Variants in MACROD2 observed in about 807,000 individuals in gnomAD.
MACROD2 encodes the protein mono-ADP ribosylhydrolase 2.
MACROD2 carries 36 observed loss-of-function variants against 70.4 expected under a neutral mutation model. The ratio of observed to expected loss-of-function variants is 0.51; its 90% CI spans 0.39 to 0.68. The LOEUF (loss-of-function observed/expected upper bound fraction) is 0.68, where lower values mean the gene tolerates loss of function less well. Ranked by LOEUF, MACROD2 falls within the 30% of genes least tolerant of loss-of-function variation. The pLI, the probability that MACROD2 is intolerant of heterozygous loss-of-function variation, is 0.00. For synonymous variants in MACROD2, 172 were observed against 178.8 expected, an observed-to-expected ratio of 0.96 and a Z score of 0.30; for missense variants, 496 against 538.4, an observed-to-expected ratio of 0.92 and a Z score of 0.78.
chr20:15,438,695 T>C (rs761280110), intron 7 of MACROD2, among the ~76,000 whole-genome samples: 4 of 152,186 alleles, frequency 2.6e-5, no homozygotes, highest in Non-Finnish European at 5.9e-5. Context: ...GATTGCTGTT[T>C]ATATATTCTG....
chr20:14,990,478 G>A (rs1369145439), intron 5 of MACROD2, among the ~76,000 whole-genome samples: 1 of 150,352 alleles, frequency 6.7e-6, no homozygotes, highest in Non-Finnish European at 1.5e-5. Context: ...AGGACCAAGA[G>A]AACTGAGAGC....
chr20:15,994,044 T>C (rs2066595107), intron 15 of MACROD2, among the ~76,000 whole-genome samples: 1 of 152,192 alleles, frequency 6.6e-6, no homozygotes, highest in Non-Finnish European at 1.5e-5. Context: ...TTCTTGACAG[T>C]ATACTGAAGG....
At chr20:15,126,369 T>G (rs2076067205) in intron 5 of MACROD2, among the ~76,000 whole-genome samples, 1 of 151,996 alleles carries the variant, frequency 6.6e-6, no homozygotes, top group Non-Finnish European at 1.5e-5. Context: ...TTTGCTTGTT[T>G]GATTATAGCC....
intron 7 of MACROD2, among the ~76,000 whole-genome samples, chr20:15,453,016 G>A (rs2046663915): frequency 6.6e-6 from 1 of 152,148 alleles, no homozygotes; most frequent in Non-Finnish European, 1.5e-5. Flanking sequence ...TTAAAGCAAT[G>A]TATTTCCCAG....
chr20:14,257,829 C>T (rs1045444115), intron 3 of MACROD2, among the ~76,000 whole-genome samples: 16 of 152,090 alleles, frequency 1.1e-4, no homozygotes, highest in Admixed American at 3.9e-4. Context: ...TTTTGGTGCA[C>T]GCATCATCTG....
chr20:15,875,643 C>T (rs1055033339), intron 9 of MACROD2, among the ~76,000 whole-genome samples: 11 of 151,938 alleles, frequency 7.2e-5, no homozygotes, highest in African/African-American at 2.7e-4. Flanking sequence ...AGACAGAAAG[C>T]AATCTGTCCC....
At chr20:14,786,206 G>GAT (rs1415848984) in intron 5 of MACROD2, among the ~76,000 whole-genome samples, 1 of 144,336 alleles carries the variant, frequency 6.9e-6, no homozygotes, top group East Asian at 2.0e-4. Context: ...GAGAAAGATA[G>GAT]AGAGAGAGAG....
intron 8 of MACROD2, among the ~76,000 whole-genome samples, chr20:15,629,083 A>G (rs183956084): frequency 1.3e-5 from 2 of 152,324 alleles, no homozygotes; most frequent in African/African-American, 2.4e-5. Context: ...TCTTGTATTC[A>G]TACTCTTGTA....
At chr20:14,349,977 G>C (rs2083106630) in intron 3 of MACROD2, among the ~76,000 whole-genome samples, 1 of 151,630 alleles carries the variant, frequency 6.6e-6, no homozygotes, top group African/African-American at 2.4e-5. Flanking sequence ...TCAAACTCCT[G>C]ACCTCAGGCG....
At chr20:15,193,326 GTAGTA>G (rs1366120594) in intron 5 of MACROD2, among the ~76,000 whole-genome samples, 1 of 152,066 alleles carries the variant, frequency 6.6e-6, no homozygotes, top group Admixed American at 6.6e-5. Flanking sequence ...TGCTTGAACT[GTAGTA>G]TAGTATCAAG....
intron 8 of MACROD2, among the ~76,000 whole-genome samples, chr20:15,862,319 G>C (rs2064435053): frequency 6.6e-6 from 1 of 152,126 alleles, no homozygotes; most frequent in South Asian, 2.1e-4. Flanking sequence ...AAATATATTT[G>C]TCTAGCAAGA....
intron 8 of MACROD2, among the ~76,000 whole-genome samples, chr20:15,786,767 A>G (rs1352491647): frequency 6.6e-6 from 1 of 152,168 alleles, no homozygotes; most frequent in Non-Finnish European, 1.5e-5. Context: ...GTCACTCAAT[A>G]CATATATTTA....
chr20:15,759,470 A>G (rs1448455310), intron 8 of MACROD2, among the ~76,000 whole-genome samples: 1 of 152,202 alleles, frequency 6.6e-6, no homozygotes, highest in East Asian at 1.9e-4. Context: ...AATAATTTAC[A>G]TGTTTAATTG....
chr20:15,384,701 T>C (rs1011935033), intron 6 of MACROD2, among the ~76,000 whole-genome samples: 1 of 152,164 alleles, frequency 6.6e-6, no homozygotes, highest in African/African-American at 2.4e-5. Context: ...ATATATACTA[T>C]CTTTCAAATA....
At chr20:14,869,939 A>C (rs1349349184) in intron 5 of MACROD2, among the ~76,000 whole-genome samples, 1 of 152,114 alleles carries the variant, frequency 6.6e-6, no homozygotes, top group Non-Finnish European at 1.5e-5. Flanking sequence ...GGGCTCATGG[A>C]GGCTCTGCTA....
intron 5 of MACROD2, among the ~76,000 whole-genome samples, chr20:15,194,311 G>A (rs989094286): frequency 2.1e-5 from 3 of 139,712 alleles, no homozygotes; most frequent in Admixed American, 7.2e-5. Flanking sequence ...AGATAATAAA[G>A]GGAAGGAAAA....
intron 6 of MACROD2, among the ~76,000 whole-genome samples, chr20:15,347,964 T>G (rs1329489186): frequency 6.6e-6 from 1 of 152,210 alleles, no homozygotes; most frequent in Admixed American, 6.5e-5. Context: ...TCTCAGGATT[T>G]TCCTTGCAAG....
chr20:14,547,141 C>G (rs528428218), intron 4 of MACROD2: 62 of 196,688 alleles, frequency 3.2e-4, no homozygotes, highest in Non-Finnish European at 5.3e-4. Flanking sequence ...CAATCAAAAC[C>G]ACCAAAAATG....
intron 3 of MACROD2, among the ~76,000 whole-genome samples, chr20:14,314,210 C>T (rs2082593119): frequency 6.6e-6 from 1 of 152,130 alleles, no homozygotes; most frequent in East Asian, 1.9e-4. Context: ...TAGCAGTTGA[C>T]ATTTCCACTT....
Sources: allele counts gnomAD v4.1 joint callset (sites outside exome capture counted in the v4.1 genomes callset), GRCh38; gene constraint gnomAD v4.1.1; transcripts MANE v1.5; gene names NCBI Gene and HGNC (gene_info 2026-07-23, HGNC 2026-07-21).